The following KCTD16 variants were observed in gnomAD, a reference collection of about 807,000 sequenced individuals.
KCTD16 encodes the protein BTB/POZ domain-containing protein KCTD16.
Under a neutral mutation model 33.2 loss-of-function variants are expected in KCTD16, and 13 were observed. The observed-to-expected ratio is 0.39, with a 90% CI of 0.25 to 0.62. The LOEUF (loss-of-function observed/expected upper bound fraction) is 0.62, where lower values mean the gene tolerates loss of function less well. Ranked by LOEUF, KCTD16 falls within the 20% of genes least tolerant of loss-of-function variation. The pLI, the probability that KCTD16 is intolerant of heterozygous loss-of-function variation, is 0.50. For missense variants in KCTD16, 441 were observed against 525.1 expected, an observed-to-expected ratio of 0.84 and a Z score of 1.57; for synonymous variants, 197 against 195.3, an observed-to-expected ratio of 1.01 and a Z score of -0.07.
intron 2 of KCTD16, 150 bp from the exon 3 acceptor site, chr5:144,206,239 G>C (rs998988876): frequency 2.6e-5 from 4 of 155,316 alleles, no homozygotes; most frequent in African/African-American, 9.6e-5. Flanking sequence ...TTGAAGAATG[G>C]CTGAGATCAG....
intron 3 of KCTD16, among the ~76,000 whole-genome samples, chr5:144,302,953 C>T (rs1751484235): frequency 6.6e-6 from 1 of 152,178 alleles, no homozygotes; most frequent in African/African-American, 2.4e-5. Flanking sequence ...GAATGAGCAG[C>T]AGGATATTGT....
chr5:144,388,064 A>ATTT (rs1752364644), intron 3 of KCTD16, among the ~76,000 whole-genome samples: 1 of 120,116 alleles, frequency 8.3e-6, no homozygotes, highest in African/African-American at 3.8e-5. Flanking sequence ...TTTTAGAGCA[A>ATTT]GTTTTTTTTT....
In KCTD16 at chr5:144,311,547, A is replaced by G. The variant is rs571257605; in HGVS notation, c.832+104001A>G. 9.5e-4 allele frequency among the ~76,000 whole-genome samples: 144 copies of G among 152,322 alleles called. 5 individuals are homozygous for G. Among genetic ancestry groups the G allele is most frequent in the Admixed American group, 9.4e-3 (144 of 15,296 alleles). ...CACTATTACTTATCATAGGAACCCTAATTATCCAAGAATATGGGAATGGTT... is the reference window on the plus strand; with the variant it reads ...CACTATTACTTATCATAGGAACCCTGATTATCCAAGAATATGGGAATGGTT... On this transcript the variant is annotated intron_variant, in intron 3 of 3. Coordinates refer to ENST00000512467, the MANE Select transcript of KCTD16 (RefSeq NM_020768.4).
chr5:144,273,952 AAAAT>A (rs1755374007), intron 3 of KCTD16, among the ~76,000 whole-genome samples: 1 of 151,068 alleles, frequency 6.6e-6, no homozygotes, highest in Admixed American at 6.6e-5. Flanking sequence ...TATGTGTATT[AAAAT>A]ATACGTAACA....
At chr5:144,464,699 T>C (rs561047177) in intron 3 of KCTD16, among the ~76,000 whole-genome samples, 1 of 128,170 alleles carries the variant, frequency 7.8e-6, no homozygotes, top group Admixed American at 8.9e-5. Flanking sequence ...ACTCCTCTTC[T>C]TCCTCCTCCT....
At chr5:144,425,660 T>C (rs1753311631) in intron 3 of KCTD16, among the ~76,000 whole-genome samples, 1 of 151,938 alleles carries the variant, frequency 6.6e-6, no homozygotes, top group South Asian at 2.1e-4. Flanking sequence ...GCTTCTACCT[T>C]CTGGAGTAGC....
intron 3 of KCTD16, among the ~76,000 whole-genome samples, chr5:144,215,680 G>GA (rs1753543798): frequency 6.6e-6 from 1 of 152,232 alleles, no homozygotes; most frequent in Non-Finnish European, 1.5e-5. Context: ...TTGATATATA[G>GA]AAAGTGCTTA....
At chr5:144,306,587 A>G (rs141348300) in intron 3 of KCTD16, among the ~76,000 whole-genome samples, 2 of 152,272 alleles carry the variant, frequency 1.3e-5, no homozygotes, top group Admixed American at 6.5e-5. Flanking sequence ...GCAGGTGTCA[A>G]CCTATAAGGA....
chr5:144,301,521 A>G (rs1188511442), intron 3 of KCTD16, among the ~76,000 whole-genome samples: 3 of 152,196 alleles, frequency 2.0e-5, no homozygotes, highest in Admixed American at 2.0e-4. Context: ...TGTTGTGCTT[A>G]TATCTTTCTT....
chr5:144,370,919 C>T (rs929747679), intron 3 of KCTD16, among the ~76,000 whole-genome samples: 8 of 151,932 alleles, frequency 5.3e-5, no homozygotes, highest in African/African-American at 9.7e-5. Flanking sequence ...AAGTTATTGC[C>T]GTTTTTACCA....
Position 144,474,258 on chromosome 5 carries a change from C to T in KCTD16, c.*144C>T, listed in dbSNP as rs911687351. On this transcript the variant is annotated 3_prime_UTR_variant, in exon 4 of 4. Transcript: ENST00000512467. ...TAGTCCATTGATATACTACTGCCTA[C>T]TTTACCTAGTTCACCTTAACATGTA... The T allele has an allele frequency of 6.2e-6, 4 of 640,170 alleles. No homozygotes were observed. The South Asian group carries it at 8.2e-5, about 13-fold the overall frequency. 39.7% of individuals were successfully genotyped at this position (640,170 alleles called of 1,614,324 possible).
chr5:144,228,257 A>G (rs1753993734), intron 3 of KCTD16, among the ~76,000 whole-genome samples: 1 of 152,216 alleles, frequency 6.6e-6, no homozygotes, highest in African/African-American at 2.4e-5. Context: ...GGAGTGGCCA[A>G]TGAAGTAGGA....
At chr5:144,413,029 G>A (rs1211450002) in intron 3 of KCTD16, among the ~76,000 whole-genome samples, 2 of 152,096 alleles carry the variant, frequency 1.3e-5, no homozygotes, top group Admixed American at 1.3e-4. Flanking sequence ...AATATTTAAG[G>A]TGCCATATAT....
intron 3 of KCTD16, among the ~76,000 whole-genome samples, chr5:144,370,882 C>T (rs1162465010): frequency 6.6e-6 from 1 of 152,042 alleles, no homozygotes; most frequent in African/African-American, 2.4e-5. Flanking sequence ...AACCATCAAT[C>T]ACAGTCCTAA....
chr5:144,423,893 G>A (rs1489918942), intron 3 of KCTD16, among the ~76,000 whole-genome samples: 1 of 151,920 alleles, frequency 6.6e-6, no homozygotes, highest in Non-Finnish European at 1.5e-5. Context: ...GAATTGTCTT[G>A]GACCACACAT....
chr5:144,191,212 T>G (rs1752834441), intron 2 of KCTD16, among the ~76,000 whole-genome samples: 2 of 152,190 alleles, frequency 1.3e-5, no homozygotes, highest in Admixed American at 1.3e-4. Flanking sequence ...TCCTCCCTGA[T>G]AAGTGAGCAA....
chr5:144,347,047 G>C (rs996592537), intron 3 of KCTD16, among the ~76,000 whole-genome samples: 1 of 152,040 alleles, frequency 6.6e-6, no homozygotes, highest in Non-Finnish European at 1.5e-5. Flanking sequence ...GTGATACATA[G>C]GGGTCTAGTG....
intron 3 of KCTD16, among the ~76,000 whole-genome samples, chr5:144,393,565 G>C (rs191781743): frequency 1.4e-3 from 217 of 152,216 alleles, no homozygotes; most frequent in Non-Finnish European, 2.7e-3. Context: ...TATAGAGAGA[G>C]AGTGTGAGTG....
intron 3 of KCTD16, among the ~76,000 whole-genome samples, chr5:144,365,886 T>C (rs2126920033): frequency 6.6e-6 from 1 of 152,294 alleles, no homozygotes; most frequent in South Asian, 2.1e-4. Flanking sequence ...GGTGAAGAAA[T>C]GTGTGACTAT....
Sources: allele counts gnomAD v4.1 joint callset (sites outside exome capture counted in the v4.1 genomes callset), GRCh38; gene constraint gnomAD v4.1.1; transcripts MANE v1.5; gene names NCBI Gene and HGNC (gene_info 2026-07-23, HGNC 2026-07-21).